TRANK1: variants seen among roughly 807,000 people sequenced by gnomAD.
TRANK1 encodes the protein TPR and ankyrin repeat-containing protein 1.
In TRANK1, 198 loss-of-function variants were observed where a neutral mutation model predicts 266.0. That is an observed-to-expected ratio of 0.74 (90% confidence interval 0.66 to 0.84). The LOEUF is 0.84. Among genes scored for constraint, TRANK1 ranks in the 40% least tolerant of loss-of-function variants. The pLI is 0.00. For missense variants in TRANK1, 3,326 were observed against 3,634.6 expected (o/e 0.92, Z 2.18); for synonymous variants, 1,396 against 1,384.1 (o/e 1.01, Z -0.19).
intron 12 of TRANK1, 113 bp downstream of exon 12, chr3:36,858,605 G>T: frequency 7.9e-7 from 1 of 1,263,880 alleles, no homozygotes; most frequent in Non-Finnish European, 1.0e-6. Flanking sequence ...CCAAGAAATG[G>T]GCCTTTTTCA....
chr3:36,912,328 G>A (rs931017106), intron 1 of TRANK1, among the ~76,000 whole-genome samples: 1 of 152,166 alleles, frequency 6.6e-6, no homozygotes, highest in African/African-American at 2.4e-5. Context: ...TCCAACCTAG[G>A]TGGCCTCACT....
chr3:36,916,046 A>G (rs575177721), intron 1 of TRANK1, among the ~76,000 whole-genome samples: 1 of 152,222 alleles, frequency 6.6e-6, no homozygotes, highest in African/African-American at 2.4e-5. Flanking sequence ...AGCATTGTCT[A>G]TGACAACTTT....
At chr3:36,943,387 T>C (rs1036185378) in intron 1 of TRANK1, among the ~76,000 whole-genome samples, 1 of 151,570 alleles carries the variant, frequency 6.6e-6, no homozygotes, top group African/African-American at 2.4e-5. Flanking sequence ...TGGGTCTTGA[T>C]CGAAAAAAGA....
intron 8 of TRANK1, among the ~76,000 whole-genome samples, chr3:36,877,424 A>G (rs2079405718): frequency 6.6e-6 from 1 of 152,238 alleles, no homozygotes; most frequent in African/African-American, 2.4e-5. Context: ...AATAACATGT[A>G]CAGTTCCTTC....
rs528514397 is a variant in TRANK1 at position 36,895,164 on chromosome 3, C to T, written c.552+476G>A. Among the ~76,000 whole-genome samples, 9 of 152,302 alleles carry T rather than the reference C, an allele frequency of 5.9e-5. 1 individual carries two copies. The South Asian group carries it at 1.9e-3, about 32-fold the overall frequency. On this transcript the variant is annotated intron_variant, in intron 5 of 23. Transcript: ENST00000645898. The stretch of plus-strand genomic sequence containing the variant: ...CTGTGTGACACTGAAGCCCAGACCT[C>T]CACAGTCCACTCACTCCTCCATTCC...
In TRANK1 at chr3:36,834,777, G is replaced by A; in HGVS notation, c.5648C>T (p.Ala1883Val). The change falls in exon 21 of 24, where the codon GCT (alanine) becomes GTT (valine). Residue 1883 changes from alanine (A) to valine (V), a missense_variant. Transcript: ENST00000645898. ...YCQEELFEEAAIAVEKYEEML... is the reference protein window; with the variant it reads ...YCQEELFEEAVIAVEKYEEML... Reference sequence around the variant, plus strand: ...AACCACCTACTTTTCCACTGCAATAGCAGCTTCTTCAAAAAGCTCCTCTTG... The same window carrying A: ...AACCACCTACTTTTCCACTGCAATAACAGCTTCTTCAAAAAGCTCCTCTTG... 6.2e-7 allele frequency: 1 copy of A among 1,612,128 alleles called. No individual in the cohort carries two copies. The highest frequency in any genetic ancestry group is 8.5e-7 in the Non-Finnish European group (1 of 1,179,330).
intron 1 of TRANK1, among the ~76,000 whole-genome samples, chr3:36,935,069 C>T (rs1449075910): frequency 2.6e-5 from 4 of 152,142 alleles, no homozygotes; most frequent in South Asian, 2.1e-4. Context: ...AAAAAAGACC[C>T]CAAGATCACC....
At chr3:36,907,459 A>ATTTTTTTTTT (rs1212991729) in intron 2 of TRANK1, among the ~76,000 whole-genome samples, 1 of 104,350 alleles carries the variant, frequency 9.6e-6, no homozygotes, top group Non-Finnish European at 1.9e-5. Context: ...AAATTTATTG[A>ATTTTTTTTTT]TTTTTTTTTT....
intron 1 of TRANK1, among the ~76,000 whole-genome samples, chr3:36,931,086 C>G (rs1402541331): frequency 6.6e-6 from 1 of 152,136 alleles, no homozygotes; most frequent in East Asian, 1.9e-4. Flanking sequence ...GCAACTGACT[C>G]TACTTCTGGG....
chr3:36,831,186 G>T lies in TRANK1; in HGVS notation c.8397C>A (p.Val2799=), dbSNP rs1490148590. The change falls in exon 22 of 24, where the codon GTC becomes GTA. Residue 2799 remains valine (V), a synonymous_variant. Transcript: ENST00000645898. The surrounding 1 kb of genome is among the most constrained non-coding windows in gnomAD (Gnocchi z 5.0). ...CCCTTTCCAGCTCAGCCCTGGAAAG[G>T]ACTGCCACCTCGGAAGCTGCCCCCT... is the stretch of plus-strand genomic sequence containing the variant. ...AFEGAASEVA[V]LSRAELEREE... is the part of the protein sequence containing the mutation. The T allele has an allele frequency of 7.4e-6, 12 of 1,613,948 alleles. No homozygotes were observed. Among genetic ancestry groups the T allele is most frequent in the Non-Finnish European group, 1.0e-5 (12 of 1,179,888 alleles).
chr3:36,914,289 A>G (rs57222201), intron 1 of TRANK1, among the ~76,000 whole-genome samples: 26,332 of 151,772 alleles, frequency 0.17, 2,877 homozygotes, highest in East Asian at 0.56. Flanking sequence ...GCACGCCACC[A>G]TGCCAGGCTA....
At chr3:36,881,520 G>C (rs1335592312) in intron 8 of TRANK1, among the ~76,000 whole-genome samples, 1 of 152,052 alleles carries the variant, frequency 6.6e-6, no homozygotes, top group Non-Finnish European at 1.5e-5. Context: ...TGCTGAGGCA[G>C]GAGAATCGCT....
intron 20 of TRANK1, among the ~76,000 whole-genome samples, chr3:36,836,436 C>T (rs1161616837): frequency 6.6e-6 from 1 of 151,974 alleles, no homozygotes; most frequent in Admixed American, 6.6e-5. Flanking sequence ...TAGCAAGGGA[C>T]GGAAAAGGTA....
rs368132210 is a variant in TRANK1 at position 36,889,862 on chromosome 3, C to T, written c.874G>A (p.Val292Ile). 4.2e-5 allele frequency: 65 copies of T among 1,536,942 alleles called. No homozygotes were observed. The highest frequency in any genetic ancestry group is 5.1e-5 in the Non-Finnish European group (59 of 1,146,840). ...AGGTATCCTGGGGAGTGGGCAGCGA[C>T]GACGTGCAGGACAGTGCAGCCATCC... ...DGDGCTVLHV[V>I]AAHSPGYLVK... is the part of the protein sequence containing the mutation. Residue 292 changes from valine (V) to isoleucine (I), a missense_variant, in exon 8 of 24, where the codon GTC (valine) becomes ATC (isoleucine). Physicochemically the swap from Val to Ile is conservative, Grantham distance 29 (BLOSUM62 3). Transcript: ENST00000645898.
Position 36,831,439 on chromosome 3 carries a change from C to A in TRANK1, c.8144G>T (p.Arg2715Leu). 6.2e-7 allele frequency: 1 copy of A among 1,613,080 alleles called. No individual in the cohort carries two copies. Among genetic ancestry groups the A allele is most frequent in the Non-Finnish European group, 8.5e-7 (1 of 1,179,548 alleles). ...VLATILSQKQ[R>L]KASIQRKLRR... is the part of the protein sequence containing the mutation. ...CAACTTCCGCTGTATGGAGGCCTTC[C>A]GTTGCTTTTGGGAAAGAATGGTGGC... is the stretch of plus-strand genomic sequence containing the variant. Residue 2715 changes from arginine to leucine, a missense_variant, in exon 22 of 24, where the codon CGG (arginine) becomes CTG (leucine). By Grantham distance (102) the Arg-to-Leu change is moderately radical. Coordinates refer to ENST00000645898, the MANE Select transcript of TRANK1 (RefSeq NM_001329998.2). The surrounding 1 kb of genome is among the most constrained non-coding windows in gnomAD (Gnocchi z 5.0).
intron 7 of TRANK1, among the ~76,000 whole-genome samples, chr3:36,891,243 C>T (rs747301711): frequency 5.9e-5 from 9 of 152,018 alleles, no homozygotes; most frequent in East Asian, 3.9e-4. Context: ...GGGGGGCTGA[C>T]GCAGGGGAAT....
intron 1 of TRANK1, among the ~76,000 whole-genome samples, chr3:36,924,656 ACTG>A (rs2080262732): frequency 1.3e-5 from 2 of 152,198 alleles, no homozygotes; most frequent in Admixed American, 6.5e-5. Flanking sequence ...ACCAGGCTCA[ACTG>A]TTGGCTGCTT....
Position 36,859,919 on chromosome 3 carries a change from C to T in TRANK1, c.1495+987G>A, listed in dbSNP as rs542406637. Among the ~76,000 whole-genome samples, 5 of 152,324 alleles carry T rather than the reference C, an allele frequency of 3.3e-5. No homozygotes were observed. The East Asian group carries it at 9.6e-4, about 29-fold the overall frequency. On this transcript the variant is annotated intron_variant, in intron 11 of 23. Transcript: ENST00000645898. ...TGTGGATGGAGCCAACACCTAAAGG[C>T]TCTGCAAGGTGTGTGGCACTTTGAG...
rs200562488 is a variant in TRANK1, at chr3:36,834,871, A to G, written c.5554T>C (p.Cys1852Arg). The change falls in exon 21 of 24, where the codon TGC becomes CGC. Residue 1852 changes from cysteine (C) to arginine (R), a missense_variant. Transcript: ENST00000645898. Reference protein sequence around the residue: ...DAAYFYKRSQCYKDAFRCFEQ... With the variant: ...DAAYFYKRSQRYKDAFRCFEQ... ...AAGCATCTGAAAGCGTCTTTGTAGC[A>G]CTGGCTTCGCTTATAGAAATAGGCA... is the stretch of plus-strand genomic sequence containing the variant. The G allele has an allele frequency of 1.2e-4, 192 of 1,613,424 alleles. No individual in the cohort carries two copies. The highest frequency in any genetic ancestry group is 3.3e-4 in the Middle Eastern group (2 of 6,080).
Sources: gnomAD v4.1 joint callset for allele counts (sites outside exome capture counted in the v4.1 genomes callset) on GRCh38, gnomAD v4.1.1 for gene constraint, Gnocchi (gnomAD v3.1) non-coding constraint, MANE v1.5 for transcripts, NCBI Gene and HGNC (gene_info 2026-07-23, HGNC 2026-07-21) for gene names.